The following SIDT2 variants were observed in gnomAD, a reference collection of about 807,000 sequenced individuals.
The protein encoded by SIDT2 is SID1 transmembrane family member 2, also known as SID1 transmembrane family, member 2.
In SIDT2, 68 loss-of-function variants were observed where a neutral mutation model predicts 114.4. That is an observed-to-expected ratio of 0.59 (90% confidence interval 0.49 to 0.73). The LOEUF (loss-of-function observed/expected upper bound fraction) is 0.73. SIDT2 is among the 30% of genes least tolerant of loss of function. The pLI is 0.00. For missense variants in SIDT2, 918 were observed against 1,097.1 expected, an observed-to-expected ratio of 0.84 and a Z score of 2.31; for synonymous variants, 470 against 438.4, an observed-to-expected ratio of 1.07 and a Z score of -0.90.
In SIDT2 at chr11:117,196,275, T is replaced by A; in HGVS notation, c.*209T>A. On this transcript the variant is annotated 3_prime_UTR_variant, in exon 26 of 26. Coordinates refer to ENST00000324225, the MANE Select transcript of SIDT2 (RefSeq NM_001040455.2). The surrounding 1 kb of genome is among the most constrained non-coding windows in gnomAD (Gnocchi z 4.9). ...GCTGCCCTCTGCCGAGGAGCAGGCC[T>A]GCTCCCCTGGAACCCCCAGATGTTG... is the stretch of plus-strand genomic sequence containing the variant. 1 of 646,746 alleles carries A rather than the reference T, an allele frequency of 1.5e-6. No individual in the cohort carries two copies. Among genetic ancestry groups the A allele is most frequent in the Non-Finnish European group, 2.6e-6 (1 of 381,382 alleles). 40.1% of individuals were successfully genotyped at this position (646,746 alleles called of 1,614,324 possible). A position where few individuals can be genotyped will look rare whatever the true frequency, so the allele number is the denominator to read the frequency against.
Position 117,187,410 on chromosome 11 carries a change from G to C in SIDT2, c.1048G>C (p.Gly350Arg). The change falls in exon 11 of 26, where the codon GGC becomes CGC. Residue 350 changes from glycine (G) to arginine (R), a missense_variant. Gly to Arg is a moderately radical substitution (Grantham distance 125). Around this residue, in one of 4 missense-constraint regions of SIDT2, gnomAD observed 553 missense variants for 600.1 expected, o/e 0.92. Coordinates refer to ENST00000324225, the MANE Select transcript of SIDT2 (RefSeq NM_001040455.2). ...HPRVLADSFP[G>R]SSPYEGYNYG... ...TCGAGTCCTGGCTGATTCTTTTCCT[G>C]GCAGTTCCCCTTATGAGGGTTACAA... is the stretch of plus-strand genomic sequence containing the variant. 1 of 1,613,978 alleles carries C rather than the reference G, an allele frequency of 6.2e-7. No individual in the cohort carries two copies.
Position 117,195,985 on chromosome 11 carries a change from T to C in SIDT2, c.2437-19T>C, listed in dbSNP as rs751322414. On this transcript the variant is annotated intron_variant, in intron 25 of 25. Transcript: ENST00000324225. ...CAGCTGCCTCCTTCTCTGTGGCTGA[T>C]CTGGCGTCCACACCCCAGGTGTTGC... is the stretch of plus-strand genomic sequence containing the variant. 2 of 1,614,118 alleles carry C rather than the reference T, an allele frequency of 1.2e-6. No individual in the cohort carries two copies. Among genetic ancestry groups the C allele is most frequent in the African/African-American group, 1.3e-5 (1 of 74,946 alleles).
chr11:117,180,214 G>T (rs551691511), intron 1 of SIDT2, among the ~76,000 whole-genome samples: 2 of 152,326 alleles, frequency 1.3e-5, no homozygotes, highest in South Asian at 4.1e-4. Flanking sequence ...GAGAAGCAAT[G>T]GAGTTGAGAA....
chr11:117,195,816 G>A lies in SIDT2; in HGVS notation c.2337G>A (p.Glu779=), dbSNP rs1367811734. 1.9e-6 allele frequency: 3 copies of A among 1,614,180 alleles called. No homozygotes were observed. In the South Asian group the frequency reaches 3.3e-5, roughly 18 times the overall value. Residue 779 remains glutamate (E), a synonymous_variant, in exon 25 of 26, where the codon GAG becomes GAA. Transcript: ENST00000324225. Reference sequence around the variant, plus strand: ...TGCTCCCCAAGAAAACCCCTGCAGAGTCGAGGGAGCACAACCGGGACTGCA... The same window carrying A: ...TGCTCCCCAAGAAAACCCCTGCAGAATCGAGGGAGCACAACCGGGACTGCA... ...GLSTWQKTPA[E]SREHNRDCIL...
At position 117,192,980 on chromosome 11, in the gene SIDT2, G is replaced by A. The variant is rs1257159060; in HGVS notation, c.2105+114G>A. 2.1e-6 allele frequency: 3 copies of A among 1,434,312 alleles called. No homozygotes were observed. Among genetic ancestry groups the A allele is most frequent in the Non-Finnish European group, 3.0e-6 (3 of 1,016,826 alleles). The allele number at this position is 1,434,312 out of a possible 1,614,324, so 88.8% of individuals were successfully genotyped here. A position where few individuals can be genotyped will look rare whatever the true frequency, so the allele number is the denominator to read the frequency against. ...CCAAATGTTGGGCATAAGACATGGGGGCTAAGAGAGATCTTGGCCTCTCTT... is the reference window on the plus strand; with the variant it reads ...CCAAATGTTGGGCATAAGACATGGGAGCTAAGAGAGATCTTGGCCTCTCTT... On this transcript the variant is annotated intron_variant, in intron 22 of 25. Coordinates refer to ENST00000324225, the MANE Select transcript of SIDT2 (RefSeq NM_001040455.2). The surrounding 1 kb of genome is among the most constrained non-coding windows in gnomAD (Gnocchi z 5.9).
At chr11:117,181,203 CAT>C (rs2030270517) in intron 1 of SIDT2, among the ~76,000 whole-genome samples, 1 of 152,038 alleles carries the variant, frequency 6.6e-6, no homozygotes, top group Admixed American at 6.6e-5. Flanking sequence ...CTGCCCTGCA[CAT>C]GTCTGCCGGC....
Position 117,186,202 on chromosome 11 carries a change from T to C in SIDT2, c.941T>C (p.Leu314Pro). ...FLSFYLLTVL[L>P]ACWENWRQKK... ...TCCTTTTACCTGCTGACCGTCCTCC[T>C]GGCCTGCTGGGAGAACTGGAGGTAA... Residue 314 changes from leucine to proline, a missense_variant, in exon 9 of 26, where the codon CTG becomes CCG. Around this residue, in one of 4 missense-constraint regions of SIDT2, gnomAD observed 553 missense variants for 600.1 expected, o/e 0.92. Transcript: ENST00000324225. 2.5e-6 allele frequency: 4 copies of C among 1,614,120 alleles called. No homozygotes were observed. Among genetic ancestry groups the C allele is most frequent in the Non-Finnish European group, 3.4e-6 (4 of 1,180,002 alleles).
chr11:117,183,780 G>A lies in SIDT2; in HGVS notation c.704G>A (p.Arg235His), dbSNP rs149441737. Residue 235 changes from arginine (R) to histidine (H), a missense_variant and splice_region_variant, in exon 7 of 26, where the codon CGC becomes CAC. Around this residue, in one of 4 missense-constraint regions of SIDT2, gnomAD observed 553 missense variants for 600.1 expected, o/e 0.92. Transcript: ENST00000324225. ...MTKKAAITVQRKDFPSNSFYV... is the reference protein window; with the variant it reads ...MTKKAAITVQHKDFPSNSFYV... ...ATATTTATCATCATCATCCTGCAGC[G>A]CAAAGACTTCCCCAGCAACAGCTTT... 4,528 of 1,610,028 alleles carry A rather than the reference G, an allele frequency of 2.8e-3. 16 individuals are homozygous for A. Among genetic ancestry groups the A allele is most frequent in the Non-Finnish European group, 3.4e-3 (4,053 of 1,176,416 alleles).
intron 24 of SIDT2, 122 bp from the exon 25 acceptor site, chr11:117,195,680 G>T (rs1049387538): frequency 4.1e-5 from 39 of 959,590 alleles, no homozygotes; most frequent in Non-Finnish European, 5.7e-5. Flanking sequence ...GGACAGGTCA[G>T]AATTGCTGCT....
chr11:117,189,359 C>T lies in SIDT2; in HGVS notation c.1377C>T (p.Phe459=), dbSNP rs535764565. 1.9e-6 allele frequency: 3 copies of T among 1,614,212 alleles called. No individual in the cohort carries two copies. The highest frequency in any genetic ancestry group is 1.7e-5 in the Admixed American group (1 of 60,028). ...GGAACATTGCCACCATTGCTGTCTT[C>T]TATGCCCTTCCTGTGGTGCAGCTGG... ...YFWNIATIAV[F]YALPVVQLVI... The change falls in exon 15 of 26, where the codon TTC becomes TTT. Residue 459 remains phenylalanine (F), a synonymous_variant. Coordinates refer to ENST00000324225, the MANE Select transcript of SIDT2 (RefSeq NM_001040455.2).
chr11:117,194,976 A>G (rs1216040103), intron 24 of SIDT2, among the ~76,000 whole-genome samples: 6 of 147,956 alleles, frequency 4.1e-5, no homozygotes, highest in Middle Eastern at 3.3e-3. Context: ...AGTCCCAGCT[A>G]CTCGGGAGGC....
chr11:117,189,680 C>T (rs1045958322), intron 15 of SIDT2: 2 of 598,758 alleles, frequency 3.3e-6, no homozygotes, highest in Non-Finnish European at 5.9e-6. Context: ...TTGTAAGCAT[C>T]AGTTTCCCTT....
intron 8 of SIDT2, among the ~76,000 whole-genome samples, chr11:117,185,049 CTTTT>C (rs34444006): frequency 7.4e-6 from 1 of 135,528 alleles, no homozygotes; most frequent in Non-Finnish European, 1.6e-5. Flanking sequence ...CTCTCTCTCT[CTTTT>C]TTTTTTTTTT....
chr11:117,192,920 C>A lies in SIDT2; in HGVS notation c.2105+54C>A. 3 of 1,607,348 alleles carry A rather than the reference C, an allele frequency of 1.9e-6. No homozygotes were observed. The South Asian group carries it at 3.3e-5, about 18-fold the overall frequency. ...TTGGGTGGACAGCTGGGGACTCGGT[C>A]AGCCACTGGCTGCCTTGGGGGCTAA... On this transcript the variant is annotated intron_variant, in intron 22 of 25. Coordinates refer to ENST00000324225, the MANE Select transcript of SIDT2 (RefSeq NM_001040455.2). The surrounding 1 kb of genome is among the most constrained non-coding windows in gnomAD (Gnocchi z 5.9).
chr11:117,188,962 C>A lies in SIDT2; in HGVS notation c.1278+136C>A. 2 of 1,041,808 alleles carry A rather than the reference C, an allele frequency of 1.9e-6. No individual in the cohort carries two copies. The highest frequency in any genetic ancestry group is 3.0e-6 in the Non-Finnish European group (2 of 674,916). The allele number at this position is 1,041,808 out of a possible 1,614,324, so 64.5% of individuals were successfully genotyped here. A position where few individuals can be genotyped will look rare whatever the true frequency, so the allele number is the denominator to read the frequency against. On this transcript the variant is annotated intron_variant, in intron 13 of 25. Coordinates refer to ENST00000324225, the MANE Select transcript of SIDT2 (RefSeq NM_001040455.2). This position sits in a 1 kb window ranked among gnomAD's most constrained non-coding sequence, Gnocchi z 4.0. ...GGCTCAGCTGGGGCAGGGCAGATGC[C>A]GGGGAAACTAACCTGACCTCCAACC...
At chr11:117,193,751 TG>T in intron 23 of SIDT2, 101 bp from the exon 24 acceptor site, 1 of 803,176 alleles carries the variant, frequency 1.2e-6, no homozygotes. Context: ...CCTGAAGGCC[TG>T]GGAGGCCATG....
At chr11:117,179,708 C>T (rs1471962518) in intron 1 of SIDT2, 1 of 460,058 alleles carries the variant, frequency 2.2e-6, no homozygotes, top group Non-Finnish European at 3.9e-6. Flanking sequence ...CAGTTGTGGT[C>T]TGAGCACACA....
intron 9 of SIDT2, 133 bp from the exon 10 acceptor site, chr11:117,186,451 A>G: frequency 2.0e-6 from 2 of 1,008,824 alleles, no homozygotes; most frequent in Non-Finnish European, 3.0e-6. Context: ...CCTGTGAGGA[A>G]CCCTGGGACA....
At chr11:117,193,363 T>C (rs2030772308) in intron 23 of SIDT2, 105 bp downstream of exon 23, 1 of 1,027,234 alleles carries the variant, frequency 9.7e-7, no homozygotes, top group Non-Finnish European at 1.4e-6. Context: ...TGTCCCATCT[T>C]TGCTGGTTGC....
Sources: allele counts gnomAD v4.1 joint callset (sites outside exome capture counted in the v4.1 genomes callset), GRCh38; gene constraint gnomAD v4.1.1; regional missense constraint gnomAD v4.1.1; non-coding constraint Gnocchi (gnomAD v3.1); transcripts MANE v1.5; gene names NCBI Gene and HGNC (gene_info 2026-07-23, HGNC 2026-07-21).